Variants in FOXP1 observed in about 807,000 individuals in gnomAD.
FOXP1 encodes forkhead box P1, also known as forkhead box protein P1.
FOXP1 carries 15 observed loss-of-function variants against 98.2 expected under a neutral mutation model. The observed-to-expected ratio is 0.15, with a 90% CI of 0.10 to 0.24. FOXP1 has a LOEUF of 0.24. FOXP1 is among the 10% of genes least tolerant of loss of function. FOXP1 has a pLI of 1.00. For synonymous variants in FOXP1, 371 were observed against 314.5 expected, an observed-to-expected ratio of 1.18 and a Z score of -1.90; for missense variants, 633 against 848.5, an observed-to-expected ratio of 0.75 and a Z score of 3.15.
intron 5 of FOXP1, among the ~76,000 whole-genome samples, chr3:71,263,784 C>T (rs2069382964): frequency 6.6e-6 from 1 of 152,028 alleles, no homozygotes; most frequent in Non-Finnish European, 1.5e-5. Flanking sequence ...CACTCTGTCA[C>T]CCACGCTGGA....
chr3:71,404,102 T>G (rs1476967420), intron 3 of FOXP1, among the ~76,000 whole-genome samples: 1 of 81,512 alleles, frequency 1.2e-5, no homozygotes, highest in African/African-American at 4.1e-5. Flanking sequence ...TGTATTGGGG[T>G]TTTTTTCTTT....
At chr3:71,061,929 T>C (rs2051555182) in intron 7 of FOXP1, among the ~76,000 whole-genome samples, 1 of 152,212 alleles carries the variant, frequency 6.6e-6, no homozygotes, top group Admixed American at 6.5e-5. Flanking sequence ...ACAACGTTTC[T>C]GCCACATTAA....
At chr3:71,185,615 G>T (rs1445142633) in intron 6 of FOXP1, among the ~76,000 whole-genome samples, 2 of 152,090 alleles carry the variant, frequency 1.3e-5, no homozygotes, top group Non-Finnish European at 2.9e-5. Flanking sequence ...CCATTTCCTG[G>T]AGACCAATAA....
chr3:71,438,994 C>T (rs370390448), intron 3 of FOXP1, among the ~76,000 whole-genome samples: 4 of 152,128 alleles, frequency 2.6e-5, no homozygotes, highest in East Asian at 1.9e-4. Context: ...AGCTACAACC[C>T]GCTCTCCAAG....
chr3:71,170,241 G>C (rs1249309927), intron 6 of FOXP1, among the ~76,000 whole-genome samples: 3 of 152,106 alleles, frequency 2.0e-5, no homozygotes, highest in African/African-American at 7.2e-5. Context: ...GCTATTTAAA[G>C]TGAACTGCAA....
chr3:71,398,420 C>G (rs2081706718), intron 3 of FOXP1, among the ~76,000 whole-genome samples: 2 of 152,182 alleles, frequency 1.3e-5, no homozygotes, highest in South Asian at 4.1e-4. Flanking sequence ...ACGCTGAAAA[C>G]ATCGCCAGCC....
intron 6 of FOXP1, among the ~76,000 whole-genome samples, chr3:71,178,138 C>CTTT (rs566282356): frequency 8.9e-6 from 1 of 111,930 alleles, no homozygotes; most frequent in Non-Finnish European, 2.0e-5. Context: ...CCCAGTCAGT[C>CTTT]TTTTTTTTTT....
intron 3 of FOXP1, among the ~76,000 whole-genome samples, chr3:71,382,174 C>T (rs1195739805): frequency 1.3e-5 from 2 of 151,914 alleles, no homozygotes; most frequent in African/African-American, 4.8e-5. Flanking sequence ...ACTTGGGAAG[C>T]GGAGGTGGGA....
In FOXP1 at chr3:71,058,174, G is replaced by C. The variant is rs577634217; in HGVS notation, c.283-4401C>G. Among the ~76,000 whole-genome samples the C allele has an allele frequency of 1.1e-4, 16 of 152,170 alleles. No homozygotes were observed. The South Asian group carries it at 2.7e-3, about 26-fold the overall frequency. Reference sequence around the variant, plus strand: ...GAAGGAATTGGGTGGGAGGGGAGAAGACACAATATAAATACTGAAAATAAC... The same window carrying C: ...GAAGGAATTGGGTGGGAGGGGAGAACACACAATATAAATACTGAAAATAAC... On this transcript the variant is annotated intron_variant, in intron 7 of 20. Transcript: ENST00000649528.
intron 6 of FOXP1, among the ~76,000 whole-genome samples, chr3:71,126,764 C>T (rs1244250040): frequency 1.3e-5 from 2 of 150,328 alleles, no homozygotes; most frequent in African/African-American, 4.9e-5. Context: ...ATGGAGGCTG[C>T]AGTCGGCTGA....
At chr3:71,114,883 C>T (rs928275003) in intron 6 of FOXP1, among the ~76,000 whole-genome samples, 18 of 152,078 alleles carry the variant, frequency 1.2e-4, no homozygotes, top group African/African-American at 4.1e-4. Flanking sequence ...TCAGTACATG[C>T]GTAGGTGTAA....
chr3:71,206,135 C>G (rs2064016854), intron 5 of FOXP1, among the ~76,000 whole-genome samples: 1 of 152,174 alleles, frequency 6.6e-6, no homozygotes, highest in African/African-American at 2.4e-5. Context: ...AAGAATTTAA[C>G]ACATAATTAC....
intron 2 of FOXP1, among the ~76,000 whole-genome samples, chr3:71,533,184 T>G (rs575500960): frequency 6.6e-6 from 1 of 152,346 alleles, no homozygotes; most frequent in South Asian, 2.1e-4. Flanking sequence ...TTAGGCAAGA[T>G]GCATTATCAT....
At chr3:71,232,022 T>C (rs552184476) in intron 5 of FOXP1, among the ~76,000 whole-genome samples, 37 of 152,372 alleles carry the variant, frequency 2.4e-4, no homozygotes, top group African/African-American at 8.7e-4. Flanking sequence ...TATTTCAGCA[T>C]CGTCACCTGA....
intron 7 of FOXP1, among the ~76,000 whole-genome samples, chr3:71,101,044 G>C (rs1420513844): frequency 4.6e-5 from 7 of 152,168 alleles, no homozygotes; most frequent in African/African-American, 1.7e-4. Context: ...ATCCCAGCAG[G>C]TGGCACCTGA....
intron 5 of FOXP1, among the ~76,000 whole-genome samples, chr3:71,211,735 A>C (rs1485257323): frequency 6.6e-6 from 1 of 152,160 alleles, no homozygotes; most frequent in Non-Finnish European, 1.5e-5. Flanking sequence ...AAATCTTACA[A>C]ATTCTGAGAA....
chr3:70,960,260 C>G (rs919158008), intron 20 of FOXP1, among the ~76,000 whole-genome samples: 1 of 152,194 alleles, frequency 6.6e-6, no homozygotes, highest in African/African-American at 2.4e-5. Flanking sequence ...GCTCGCTCAA[C>G]ACAACAATAT....
intron 3 of FOXP1, among the ~76,000 whole-genome samples, chr3:71,416,881 T>C (rs2083266513): frequency 6.6e-6 from 1 of 152,080 alleles, no homozygotes; most frequent in African/African-American, 2.4e-5. Flanking sequence ...TTACAGAACT[T>C]TCCCTTTATC....
intron 4 of FOXP1, among the ~76,000 whole-genome samples, chr3:71,341,347 A>G (rs1405433348): frequency 6.6e-6 from 1 of 152,264 alleles, no homozygotes; most frequent in African/African-American, 2.4e-5. Context: ...ATACACTCCT[A>G]TATAACCAAC....
Sources: gnomAD v4.1 joint callset for allele counts (sites outside exome capture counted in the v4.1 genomes callset) on GRCh38, gnomAD v4.1.1 for gene constraint, MANE v1.5 for transcripts, NCBI Gene and HGNC (gene_info 2026-07-23, HGNC 2026-07-21) for gene names.